Variants in IL22RA1 observed in about 807,000 individuals in gnomAD.
IL22RA1 encodes the protein interleukin-22 receptor subunit alpha-1.
IL22RA1 carries 25 observed loss-of-function variants against 32.8 expected under a neutral mutation model. The ratio of observed to expected loss-of-function variants is 0.76; its 90% CI spans 0.55 to 1.06. IL22RA1 has a LOEUF of 1.06. Among genes scored for constraint, IL22RA1 ranks in the 50% least tolerant of loss-of-function variants. The pLI is 0.00. For missense variants in IL22RA1, 709 were observed against 727.4 expected (o/e 0.97, Z 0.29); for synonymous variants, 305 against 305.0 (o/e 1.00, Z 0.00).
intron 4 of IL22RA1, among the ~76,000 whole-genome samples, chr1:24,129,374 C>G (rs1317643425): frequency 6.6e-6 from 1 of 152,226 alleles, no homozygotes; most frequent in Non-Finnish European, 1.5e-5. Flanking sequence ...CCTGCCAGCT[C>G]CCTGCTGAAT....
Position 24,121,561 on chromosome 1 carries a change from C to A in IL22RA1, c.969G>T (p.Glu323Asp), listed in dbSNP as rs776975907. The A allele has an allele frequency of 5.3e-5, 85 of 1,607,680 alleles. 1 individual carries two copies. Among genetic ancestry groups the A allele is most frequent in the Non-Finnish European group, 7.1e-5 (83 of 1,176,136 alleles). Reference sequence around the variant, plus strand: ...TGTCTGGCTGCCCTAAGTAGGTGATCTCGGACAGGCTATGCCGCTGTGGAG... The same window carrying A: ...TGTCTGGCTGCCCTAAGTAGGTGATATCGGACAGGCTATGCCGCTGTGGAG... The part of the protein sequence containing the change: ...AGAPQRHSLS[E>D]ITYLGQPDIS... Residue 323 changes from glutamate (E) to aspartate (D), a missense_variant, in exon 7 of 7, where the codon GAG (glutamate) becomes GAT (aspartate). Transcript: ENST00000270800.
At chr1:24,124,140 A>G (rs1419140500) in intron 5 of IL22RA1, among the ~76,000 whole-genome samples, 1 of 152,118 alleles carries the variant, frequency 6.6e-6, no homozygotes, top group East Asian at 1.9e-4. Flanking sequence ...AATGGCCAGG[A>G]CAGGGCCAGA....
In IL22RA1 at chr1:24,134,916, T is replaced by C. The variant is rs1261017511; in HGVS notation, c.356-530A>G. On this transcript the variant is annotated intron_variant, in intron 3 of 6. Coordinates refer to ENST00000270800, the MANE Select transcript of IL22RA1 (RefSeq NM_021258.4). The stretch of plus-strand genomic sequence containing the variant: ...TTTACAGACTCCTTTGAGAATGTGA[T>C]GAATGCTGTGGGTCTTCTTCCTGCC... 9 of 785,668 alleles carry C rather than the reference T, an allele frequency of 1.1e-5. No individual in the cohort carries two copies. In the East Asian group the frequency reaches 8.8e-4, roughly 77 times the overall value. The allele number at this position is 785,668 out of a possible 1,614,324, so 48.7% of individuals were successfully genotyped here.
intron 3 of IL22RA1, among the ~76,000 whole-genome samples, chr1:24,134,599 A>T (rs757890827): frequency 2.0e-5 from 3 of 152,156 alleles, no homozygotes; most frequent in African/African-American, 4.8e-5. Flanking sequence ...AGGGATGACC[A>T]AGAGTGGATG....
chr1:24,123,984 T>C (rs1356677046), intron 5 of IL22RA1, among the ~76,000 whole-genome samples: 1 of 152,226 alleles, frequency 6.6e-6, no homozygotes, highest in Non-Finnish European at 1.5e-5. Context: ...AAAAGAGGAC[T>C]GCCTAGACGG....
Position 24,128,121 on chromosome 1 carries a change from C to A in IL22RA1, c.670+20G>T. 1 of 1,496,994 alleles carries A rather than the reference C, an allele frequency of 6.7e-7. No homozygotes were observed. Among genetic ancestry groups the A allele is most frequent in the Non-Finnish European group, 8.9e-7 (1 of 1,122,176 alleles). 92.7% of individuals were successfully genotyped at this position (1,496,994 alleles called of 1,614,324 possible). A position where few individuals can be genotyped will look rare whatever the true frequency, so the allele number is the denominator to read the frequency against. ...TTGAATTCGGGAGCCCCACCTCCCT[C>A]TGGTTTCAGCCGAACTCACCTGGCA... On this transcript the variant is annotated intron_variant, in intron 5 of 6. Coordinates refer to ENST00000270800, the MANE Select transcript of IL22RA1 (RefSeq NM_021258.4).
Position 24,121,272 on chromosome 1 carries a change from A to G in IL22RA1, c.1258T>C (p.Ser420Pro), listed in dbSNP as rs1174946011. The change falls in exon 7 of 7, where the codon TCT (serine) becomes CCT (proline). Residue 420 changes from serine (S) to proline (P), a missense_variant. Transcript: ENST00000270800. ...TTAGGCCTAAGGTGTTTAGGACTAG[A>G]AAGTGTCCCAGTGGGGGAGTCTTTG... ...SGKDSPTGTL[S>P]SPKHLRPKGQ... is the part of the protein sequence containing the mutation. 1.2e-6 allele frequency: 2 copies of G among 1,614,098 alleles called. No individual in the cohort carries two copies. Among genetic ancestry groups the G allele is most frequent in the South Asian group, 1.1e-5 (1 of 91,080 alleles).
chr1:24,142,950 G>T, intron 1 of IL22RA1, 90 bp downstream of exon 1: 1 of 1,262,410 alleles, frequency 7.9e-7, no homozygotes, highest in Non-Finnish European at 1.1e-6. Context: ...AACTGGCTAT[G>T]CTCGGGCTGG....
chr1:24,139,957 G>A (rs1644269250), intron 1 of IL22RA1, among the ~76,000 whole-genome samples: 1 of 152,246 alleles, frequency 6.6e-6, no homozygotes, highest in African/African-American at 2.4e-5. Context: ...TGGTGGAGGA[G>A]GCGCTCTTGA....
chr1:24,137,097 C>G, intron 3 of IL22RA1, 34 bp downstream of exon 3: 1 of 1,592,192 alleles, frequency 6.3e-7, no homozygotes. Flanking sequence ...CTTTCCTCTT[C>G]CCTCCCCTGA....
chr1:24,131,732 T>C (rs1343822722), intron 4 of IL22RA1, among the ~76,000 whole-genome samples: 5 of 152,314 alleles, frequency 3.3e-5, no homozygotes, highest in South Asian at 2.1e-4. Context: ...AGGAAAGACA[T>C]AGAAGATCTG....
chr1:24,128,526 T>TATAC (rs978163283), intron 4 of IL22RA1, among the ~76,000 whole-genome samples: 1 of 73,184 alleles, frequency 1.4e-5, no homozygotes, highest in African/African-American at 3.2e-5. Context: ...AATGTGGTTA[T>TATAC]ATACATATAT....
In IL22RA1 at chr1:24,127,697, T is replaced by C. The variant is rs533168167; in HGVS notation, c.670+444A>G. 3.3e-5 allele frequency among the ~76,000 whole-genome samples: 5 copies of C among 152,346 alleles called. No homozygotes were observed. The South Asian group carries it at 6.2e-4, about 19-fold the overall frequency. On this transcript the variant is annotated intron_variant, in intron 5 of 6. Coordinates refer to ENST00000270800, the MANE Select transcript of IL22RA1 (RefSeq NM_021258.4). ...AAATAATACCTACCTCATAGACTGCTCATGAGGCTTGCCCTTGGTTGTGCC... is the reference window on the plus strand; with the variant it reads ...AAATAATACCTACCTCATAGACTGCCCATGAGGCTTGCCCTTGGTTGTGCC...
At position 24,137,241 on chromosome 1, in the gene IL22RA1, G is replaced by A. The variant is rs750914539; in HGVS notation, c.245C>T (p.Thr82Met). ...QRITRKSCNL[T>M]VETGNLTELY... is the part of the protein sequence containing the mutation. ...CTCCGTGAGGTTGCCCGTCTCCACC[G>A]TCAGGTTGCAGGACTTCCGGGTGAT... Residue 82 changes from threonine (T) to methionine (M), a missense_variant, in exon 3 of 7, where the codon ACG (threonine) becomes ATG (methionine). Physicochemically the swap from Thr to Met is moderately conservative, Grantham distance 81. Transcript: ENST00000270800. The A allele has an allele frequency of 5.6e-6, 9 of 1,614,086 alleles. No homozygotes were observed. Among genetic ancestry groups the A allele is most frequent in the Non-Finnish European group, 6.8e-6 (8 of 1,180,022 alleles).
intron 5 of IL22RA1, among the ~76,000 whole-genome samples, chr1:24,126,221 C>A (rs1267567228): frequency 6.6e-6 from 1 of 152,260 alleles, no homozygotes; most frequent in Non-Finnish European, 1.5e-5. Context: ...CCCTAGCAGC[C>A]TTTGCCCCAG....
rs1324748202 is a variant in IL22RA1, at chr1:24,121,219, A to G, written c.1311T>C (p.Ala437=). The part of the protein sequence containing the change: ...PKGQLQKEPP[A]GSCMLGGLSL... ...AAAGGCCACCTAACATGCAGCTTCC[A>G]GCTGGTGGCTCTTTCTGAAGCTGAC... Residue 437 remains alanine (A), a synonymous_variant, in exon 7 of 7, where the codon GCT becomes GCC. Transcript: ENST00000270800. 4.3e-6 allele frequency: 7 copies of G among 1,614,232 alleles called. No individual in the cohort carries two copies. Among genetic ancestry groups the G allele is most frequent in the Non-Finnish European group, 5.9e-6 (7 of 1,180,040 alleles).
intron 5 of IL22RA1, 141 bp from the exon 6 acceptor site, chr1:24,123,564 C>G (rs1489837511): frequency 1.3e-6 from 2 of 1,485,770 alleles, no homozygotes; most frequent in African/African-American, 2.8e-5. Context: ...AATGCAAGAT[C>G]ACAAATGGAA....
intron 1 of IL22RA1, among the ~76,000 whole-genome samples, chr1:24,139,922 G>T (rs2148576387): frequency 6.6e-6 from 1 of 152,320 alleles, no homozygotes; most frequent in East Asian, 1.9e-4. Flanking sequence ...GAAGTGACTT[G>T]CCCCAAGTTG....
At chr1:24,141,820 G>A (rs536026162) in intron 1 of IL22RA1, among the ~76,000 whole-genome samples, 41 of 152,292 alleles carry the variant, frequency 2.7e-4, no homozygotes, top group African/African-American at 9.9e-4. Flanking sequence ...ATTTATAAAA[G>A]GCAACTTGTT....
Sources: allele counts gnomAD v4.1 joint callset (sites outside exome capture counted in the v4.1 genomes callset), GRCh38; gene constraint gnomAD v4.1.1; transcripts MANE v1.5; gene names NCBI Gene and HGNC (gene_info 2026-07-23, HGNC 2026-07-21).